HIPK3: variants seen among roughly 807,000 people sequenced by gnomAD.
HIPK3 encodes the protein homeodomain-interacting protein kinase 3.
In HIPK3, 47 loss-of-function variants were observed where a neutral mutation model predicts 124.2. The ratio of observed to expected loss-of-function variants is 0.38; its 90% confidence interval spans 0.30 to 0.48. The LOEUF (loss-of-function observed/expected upper bound fraction) is 0.48, where lower values mean the gene tolerates loss of function less well. HIPK3 is among the 20% of genes least tolerant of loss of function. The pLI is 0.98. For missense variants in HIPK3, 1,286 were observed against 1,454.3 expected, an observed-to-expected ratio of 0.88 and a Z score of 1.88; for synonymous variants, 482 against 515.2, an observed-to-expected ratio of 0.94 and a Z score of 0.87.
At chr11:33,337,878 T>A (rs965575557) in intron 4 of HIPK3, among the ~76,000 whole-genome samples, 1 of 152,098 alleles carries the variant, frequency 6.6e-6, no homozygotes, top group Non-Finnish European at 1.5e-5. Flanking sequence ...TTCACCATGT[T>A]GGCCAGGCTG....
chr11:33,308,160 G>A (rs2133938002), intron 2 of HIPK3, among the ~76,000 whole-genome samples: 1 of 152,242 alleles, frequency 6.6e-6, no homozygotes, highest in South Asian at 2.1e-4. Context: ...CCTAAACTGA[G>A]CACCATTTAT....
rs1002776259 is a variant in HIPK3 at position 33,280,916 on chromosome 11, C to T, written c.-2-5497C>T. On this transcript the variant is annotated intron_variant, in intron 1 of 16. Transcript: ENST00000303296. ...AATTTGCCTGTGGTTTTTGTATAGA[C>T]GAGATCATTGGTTCTCAGATTTTAG... Among the ~76,000 whole-genome samples, 6 of 152,172 alleles carry T rather than the reference C, an allele frequency of 3.9e-5. No homozygotes were observed. The South Asian group carries it at 1.0e-3, about 26-fold the overall frequency.
intron 16 of HIPK3, among the ~76,000 whole-genome samples, 185 bp from the exon 17 acceptor site, chr11:33,352,907 G>C (rs1296270278): frequency 1.3e-5 from 2 of 151,996 alleles, no homozygotes; most frequent in African/African-American, 4.8e-5. Flanking sequence ...ATACTAAAAT[G>C]TTAATACTAA....
intron 2 of HIPK3, among the ~76,000 whole-genome samples, chr11:33,300,252 A>G (rs1851959545): frequency 1.3e-5 from 2 of 150,062 alleles, no homozygotes; most frequent in Non-Finnish European, 3.0e-5. Context: ...AGGCTGAGGC[A>G]GGAGAATCGC....
At chr11:33,311,301 T>A (rs1453138149) in intron 2 of HIPK3, among the ~76,000 whole-genome samples, 2 of 152,186 alleles carry the variant, frequency 1.3e-5, no homozygotes, top group African/African-American at 4.8e-5. Context: ...TCCTCGCACC[T>A]CAGCCTTCTG....
intron 1 of HIPK3, 25 bp from the exon 2 acceptor site, chr11:33,286,388 T>C: frequency 7.3e-7 from 1 of 1,377,050 alleles, no homozygotes; most frequent in Non-Finnish European, 9.4e-7. Context: ...TTTTTTTCTT[T>C]TCCTTTTTTT....
chr11:33,275,705 G>C (rs1241836975), intron 1 of HIPK3, among the ~76,000 whole-genome samples: 3 of 152,150 alleles, frequency 2.0e-5, no homozygotes, highest in African/African-American at 4.8e-5. Flanking sequence ...TTAATTGTCA[G>C]AATTTATTGG....
At chr11:33,294,574 A>AT (rs1295397612) in intron 2 of HIPK3, among the ~76,000 whole-genome samples, 2 of 152,208 alleles carry the variant, frequency 1.3e-5, no homozygotes, top group East Asian at 3.9e-4. Context: ...CATCAGTTCA[A>AT]TATTATTGAT....
At chr11:33,349,374 C>T (rs1308413170) in intron 14 of HIPK3, 87 bp downstream of exon 14, 12 of 1,070,194 alleles carry the variant, frequency 1.1e-5, no homozygotes, top group Non-Finnish European at 1.3e-5. Flanking sequence ...TAAGTACCTG[C>T]CAGTTTACCA....
At chr11:33,310,307 A>ATCTATCTATCTATCT (rs59211221) in intron 2 of HIPK3, among the ~76,000 whole-genome samples, 1 of 38,106 alleles carries the variant, frequency 2.6e-5, no homozygotes, top group African/African-American at 6.8e-5. Flanking sequence ...CTATCTATCT[A>ATCTATCTATCTATCT]ATCTATCTAT....
intron 2 of HIPK3, among the ~76,000 whole-genome samples, chr11:33,307,319 G>A (rs1331494314): frequency 6.6e-6 from 1 of 151,646 alleles, no homozygotes; most frequent in Non-Finnish European, 1.5e-5. Flanking sequence ...AAACAGCATG[G>A]TAAACTTTTA....
At chr11:33,334,719 C>T (rs180738143) in intron 3 of HIPK3, among the ~76,000 whole-genome samples, 1 of 152,236 alleles carries the variant, frequency 6.6e-6, no homozygotes, top group Admixed American at 6.5e-5. Context: ...TATTGGACCT[C>T]ATGCAGCCCC....
chr11:33,283,114 C>CT lies in HIPK3; in HGVS notation c.-2-3285dup, dbSNP rs776190216. 2.4e-3 allele frequency among the ~76,000 whole-genome samples: 342 copies of CT among 143,016 alleles called. 1 individual carries two copies. Among genetic ancestry groups the CT allele is most frequent in the East Asian group, 7.3e-3 (36 of 4,936 alleles). The allele number at this position is 143,016 out of a possible 152,430, so 93.8% of individuals were successfully genotyped here. A position where few individuals can be genotyped will look rare whatever the true frequency, so the allele number is the denominator to read the frequency against. On this transcript the variant is annotated intron_variant, in intron 1 of 16. Transcript: ENST00000303296. ...TGAGATGTTTGGAACTCCAGAATTT[C>CT]TTTTTTTTTTTTTTGAGACGGAGTC...
In HIPK3 at chr11:33,340,946, A is replaced by G. The variant is rs1373665934; in HGVS notation, c.1614-22A>G. ...TAAGCTTTTAAAATAATACTGTAAT[A>G]CCTTCACTTTTTCTTTTACAGTGTA... On this transcript the variant is annotated intron_variant, in intron 6 of 16. Transcript: ENST00000303296. 2.1e-6 allele frequency: 3 copies of G among 1,452,444 alleles called. No homozygotes were observed. In the African/African-American group the frequency reaches 4.3e-5, roughly 21 times the overall value. 90.0% of individuals were successfully genotyped at this position (1,452,444 alleles called of 1,614,324 possible). A position where few individuals can be genotyped will look rare whatever the true frequency, so the allele number is the denominator to read the frequency against.
At chr11:33,351,412 G>A (rs192333628) in intron 14 of HIPK3, among the ~76,000 whole-genome samples, 196 bp from the exon 15 acceptor site, 1,550 of 152,134 alleles carry the variant, frequency 0.01, 8 homozygotes, top group Non-Finnish European at 0.015. Flanking sequence ...AATTAGGTTT[G>A]GCAGTTGGAA....
intron 3 of HIPK3, among the ~76,000 whole-genome samples, chr11:33,336,063 T>C (rs1219502267): frequency 6.6e-6 from 1 of 152,046 alleles, no homozygotes; most frequent in African/African-American, 2.4e-5. Context: ...GCATAGAATA[T>C]TAGATAATGA....
chr11:33,324,484 T>C (rs1265257865), intron 2 of HIPK3, among the ~76,000 whole-genome samples: 1 of 152,200 alleles, frequency 6.6e-6, no homozygotes, highest in East Asian at 1.9e-4. Context: ...TGAAATGAAA[T>C]GCGGAAGCTT....
intron 3 of HIPK3, among the ~76,000 whole-genome samples, chr11:33,332,597 A>G (rs1440696156): frequency 6.6e-6 from 1 of 152,228 alleles, no homozygotes; most frequent in African/African-American, 2.4e-5. Context: ...TAAGAGTCTG[A>G]CTTTATATTC....
rs141488827 is a variant in HIPK3 at position 33,325,998 on chromosome 11, A to G, written c.1098-2512A>G. ...GAATCTCCCCGTGGCTCTTGTTTTC[A>G]ACAAATGCCTGTGGATTGGTTAAGG... On this transcript the variant is annotated intron_variant, in intron 2 of 16. Transcript: ENST00000303296. 3.9e-4 allele frequency among the ~76,000 whole-genome samples: 59 copies of G among 152,242 alleles called. No individual in the cohort carries two copies. The East Asian group carries it at 0.011, about 28-fold the overall frequency.
Sources: gnomAD v4.1 joint callset for allele counts (sites outside exome capture counted in the v4.1 genomes callset) on GRCh38, gnomAD v4.1.1 for gene constraint, MANE v1.5 for transcripts, NCBI Gene and HGNC (gene_info 2026-07-23, HGNC 2026-07-21) for gene names.